The following MYO16 variants were observed in gnomAD, a reference collection of about 807,000 sequenced individuals.
The protein encoded by MYO16 is myosin XVI, also known as unconventional myosin-XVI.
MYO16 carries 94 observed loss-of-function variants against 205.3 expected under a neutral mutation model. That is an observed-to-expected ratio of 0.46 (90% CI 0.39 to 0.54). MYO16 has a LOEUF of 0.54. Ranked by LOEUF, MYO16 falls within the 20% of genes least tolerant of loss-of-function variation. The probability of loss-of-function intolerance (pLI) is 0.00; values close to 1 mark genes in which losing one functional copy is unlikely to be tolerated. For synonymous variants in MYO16, 988 were observed against 954.0 expected, an observed-to-expected ratio of 1.04 and a Z score of -0.66; for missense variants, 2,315 against 2,387.5, an observed-to-expected ratio of 0.97 and a Z score of 0.63.
intron 6 of MYO16, among the ~76,000 whole-genome samples, chr13:108,799,717 G>A: frequency 6.6e-6 from 1 of 152,192 alleles, no homozygotes; most frequent in Admixed American, 6.5e-5. Context: ...TAAGGGCTGT[G>A]AGTTTAGTTA....
At chr13:108,882,575 TA>T (rs1331466417) in intron 12 of MYO16, among the ~76,000 whole-genome samples, 4 of 152,366 alleles carry the variant, frequency 2.6e-5, no homozygotes, top group African/African-American at 9.6e-5. Flanking sequence ...GCAATAATTA[TA>T]AATCACCGTT....
In MYO16 at chr13:108,785,615, A is replaced by G. The variant is rs1566327586; in HGVS notation, c.508-20A>G. 1 of 1,485,112 alleles carries G rather than the reference A, an allele frequency of 6.7e-7. No homozygotes were observed. Among genetic ancestry groups the G allele is most frequent in the Non-Finnish European group, 9.2e-7 (1 of 1,086,272 alleles). 92.0% of individuals were successfully genotyped at this position (1,485,112 alleles called of 1,614,324 possible). ...ATTTAAACAGTATATATGATGTTAT[A>G]TTTTTTTCTTTTTATCTAGGCTGGA... On this transcript the variant is annotated intron_variant, in intron 4 of 34. Transcript: ENST00000457511.
chr13:108,502,813 T>C, the MYO16 span, among the ~76,000 whole-genome samples: 1 of 152,220 alleles, frequency 6.6e-6, no homozygotes, highest in African/African-American at 2.4e-5. Flanking sequence ...AAATCTTCTT[T>C]TGAAAAGTCT....
intron 7 of MYO16, among the ~76,000 whole-genome samples, chr13:108,818,856 G>A (rs1387827936): frequency 7.9e-5 from 12 of 152,242 alleles, no homozygotes; most frequent in Non-Finnish European, 1.0e-4. Flanking sequence ...ATACCAAAAA[G>A]AAATCCAGGA....
At chr13:109,056,673 C>G (rs1406960247) in intron 27 of MYO16, among the ~76,000 whole-genome samples, 2 of 152,010 alleles carry the variant, frequency 1.3e-5, no homozygotes, top group Non-Finnish European at 2.9e-5. Flanking sequence ...CAAAGTGTTA[C>G]AGAAGCATAG....
At chr13:108,619,934 G>A (rs1454208415) in intron 1 of MYO16, among the ~76,000 whole-genome samples, 2 of 152,108 alleles carry the variant, frequency 1.3e-5, no homozygotes, top group Non-Finnish European at 2.9e-5. Flanking sequence ...ATGGCATACT[G>A]GAAACCTAAG....
At chr13:108,904,052 A>G (rs989556352) in intron 15 of MYO16, among the ~76,000 whole-genome samples, 3 of 152,198 alleles carry the variant, frequency 2.0e-5, no homozygotes, top group African/African-American at 4.8e-5. Flanking sequence ...CATTGTTACT[A>G]TTAGTTACAC....
At chr13:108,677,356 C>T (rs201237502) in intron 2 of MYO16, among the ~76,000 whole-genome samples, 23 of 98,520 alleles carry the variant, frequency 2.3e-4, no homozygotes, top group Middle Eastern at 4.5e-3. Flanking sequence ...TATATATATG[C>T]ATATATATAT....
chr13:108,534,867 C>G, the MYO16 span, among the ~76,000 whole-genome samples: 4 of 148,986 alleles, frequency 2.7e-5, no homozygotes, highest in Admixed American at 6.8e-5. Flanking sequence ...CCTCCTCCTT[C>G]TTCTCCTTCT....
At chr13:108,584,510 TA>T in the MYO16 span, among the ~76,000 whole-genome samples, 1 of 143,204 alleles carries the variant, frequency 7.0e-6, no homozygotes, top group South Asian at 2.3e-4. Flanking sequence ...TATTTTGAAA[TA>T]TACAATTTTT....
At chr13:108,857,000 T>C (rs988966155) in intron 11 of MYO16, among the ~76,000 whole-genome samples, 1 of 152,208 alleles carries the variant, frequency 6.6e-6, no homozygotes, top group African/African-American at 2.4e-5. Context: ...CCTCATGATA[T>C]GCCCTGAACA....
At chr13:109,204,939 C>A (rs1377488211) in intron 34 of MYO16, among the ~76,000 whole-genome samples, 3 of 152,204 alleles carry the variant, frequency 2.0e-5, no homozygotes, top group African/African-American at 7.2e-5. Context: ...AAGCTCCCAC[C>A]ACCCTGCTTT....
At chr13:108,814,586 T>C (rs182533055) in intron 7 of MYO16, among the ~76,000 whole-genome samples, 1 of 152,326 alleles carries the variant, frequency 6.6e-6, no homozygotes, top group Non-Finnish European at 1.5e-5. Flanking sequence ...TAAAGATAGC[T>C]TCTCTTTCTT....
intron 5 of MYO16, among the ~76,000 whole-genome samples, chr13:108,791,310 C>T (rs1384848333): frequency 5.9e-5 from 9 of 152,088 alleles, no homozygotes; most frequent in Non-Finnish European, 1.3e-4. Context: ...CTGCATTTTG[C>T]TTTATTTTGT....
At chr13:108,886,432 C>T (rs1477538598) in intron 13 of MYO16, 1 of 456,184 alleles carries the variant, frequency 2.2e-6, no homozygotes, top group African/African-American at 2.0e-5. Flanking sequence ...GCCTCACGAC[C>T]TGGAAAAATG....
the MYO16 span, among the ~76,000 whole-genome samples, chr13:108,522,944 A>G: frequency 6.6e-6 from 1 of 152,180 alleles, no homozygotes; most frequent in African/African-American, 2.4e-5. Context: ...TAGGTCTTCA[A>G]TATATGAACT....
chr13:109,125,088 TAAC>T lies in MYO16; in HGVS notation c.3536-23_3536-21del, dbSNP rs1474133823. On this transcript the variant is annotated intron_variant, in intron 29 of 34. Coordinates refer to ENST00000457511, the MANE Select transcript of MYO16 (RefSeq NM_001198950.3). The surrounding 1 kb of genome is among the most constrained non-coding windows in gnomAD (Gnocchi z 4.0). ...AGTTTTTCACTTTTCCTCCATTTAC[TAAC>T]CCATGATCCTTCTATAAAAGTTATC... 7.5e-6 allele frequency: 12 copies of T among 1,607,178 alleles called. No individual in the cohort carries two copies. Among genetic ancestry groups the T allele is most frequent in the Non-Finnish European group, 1.0e-5 (12 of 1,176,578 alleles).
chr13:108,988,419 T>C (rs368533671), intron 20 of MYO16, among the ~76,000 whole-genome samples: 4 of 152,202 alleles, frequency 2.6e-5, no homozygotes, highest in African/African-American at 9.6e-5. Context: ...ATTTAGTTTT[T>C]CTCCTGACAA....
intron 6 of MYO16, among the ~76,000 whole-genome samples, chr13:108,793,977 A>G (rs935822578): frequency 2.0e-5 from 3 of 152,178 alleles, no homozygotes; most frequent in Non-Finnish European, 2.9e-5. Context: ...ATCCATATAC[A>G]CCATGGAATA....
Sources: gnomAD v4.1 joint callset for allele counts (sites outside exome capture counted in the v4.1 genomes callset) on GRCh38, gnomAD v4.1.1 for gene constraint, Gnocchi (gnomAD v3.1) non-coding constraint, MANE v1.5 for transcripts, NCBI Gene and HGNC (gene_info 2026-07-23, HGNC 2026-07-21) for gene names.